AP5M1: variants seen among roughly 807,000 people sequenced by gnomAD.
AP5M1 encodes adaptor related protein complex 5 subunit mu 1, also known as AP-5 complex subunit mu-1.
AP5M1 carries 44 observed loss-of-function variants against 52.3 expected under a neutral mutation model. The ratio of observed to expected loss-of-function variants is 0.84; its 90% CI spans 0.66 to 1.08. AP5M1 has a LOEUF of 1.08. Among genes scored for constraint, AP5M1 ranks in the 50% least tolerant of loss-of-function variants. AP5M1 has a pLI of 0.00. For synonymous variants in AP5M1, 213 were observed against 199.0 expected, an observed-to-expected ratio of 1.07 and a Z score of -0.59; for missense variants, 526 against 568.4, an observed-to-expected ratio of 0.93 and a Z score of 0.76.
At position 57,296,992 on chromosome 14, in the gene AP5M1, T is replaced by C. The variant is rs886903375; in HGVS notation, c.*8108T>C. On this transcript the variant is annotated 3_prime_UTR_variant, in exon 8 of 8. Transcript: ENST00000261558. ...TGATGGTTGAAGTTCCCCAGCCAGTTAAAGGGCACACCGTGGGGGCAGCAT... is the reference window on the plus strand; with the variant it reads ...TGATGGTTGAAGTTCCCCAGCCAGTCAAAGGGCACACCGTGGGGGCAGCAT... The C allele has an allele frequency of 1.3e-5, 2 of 151,998 alleles. No individual in the cohort carries two copies. The highest frequency in any genetic ancestry group is 6.6e-5 in the Admixed American group (1 of 15,214). The allele number at this position is 151,998 out of a possible 1,614,324, so 9.4% of individuals were successfully genotyped here. A position where few individuals can be genotyped will look rare whatever the true frequency, so the allele number is the denominator to read the frequency against.
At chr14:57,270,609 T>C (rs967898886) in intron 1 of AP5M1, among the ~76,000 whole-genome samples, 1 of 152,216 alleles carries the variant, frequency 6.6e-6, no homozygotes, top group African/African-American at 2.4e-5. Context: ...ACATTTGTTG[T>C]TGGACCTCAA....
rs1885141987 is a variant in AP5M1, at chr14:57,280,355, G to A, written c.881G>A (p.Ser294Asn). The A allele has an allele frequency of 1.2e-6, 2 of 1,613,968 alleles. No homozygotes were observed. Among genetic ancestry groups the A allele is most frequent in the Admixed American group, 3.3e-5 (2 of 60,008 alleles). The change falls in exon 3 of 8, where the codon AGT becomes AAT. Residue 294 changes from serine (S) to asparagine (N), a missense_variant. By Grantham distance (46) the Ser-to-Asn change is conservative (BLOSUM62 1). Coordinates refer to ENST00000261558, the MANE Select transcript of AP5M1 (RefSeq NM_018229.4). ...GATGCAATGGATGACTCTGCATTTA[G>A]TGGGCCTTACAAATTTCCATTCACT... Reference protein sequence around the residue: ...SIDAMDDSAFSGPYKFPFTPP... With the variant: ...SIDAMDDSAFNGPYKFPFTPP...
In AP5M1 at chr14:57,296,443, ATTTAT is replaced by A. The variant is rs568887398; in HGVS notation, c.*7564_*7568del. On this transcript the variant is annotated 3_prime_UTR_variant, in exon 8 of 8. Coordinates refer to ENST00000261558, the MANE Select transcript of AP5M1 (RefSeq NM_018229.4). The stretch of plus-strand genomic sequence containing the variant: ...CATGTACATTTATAGAGCATCATAT[ATTTAT>A]TTTAAGTCTAGAATCAGTAAAAAGT... The A allele has an allele frequency of 6.8e-4, 104 of 152,156 alleles. No homozygotes were observed. The highest frequency in any genetic ancestry group is 2.5e-3 in the African/African-American group (103 of 41,554). The allele number at this position is 152,156 out of a possible 1,614,324, so 9.4% of individuals were successfully genotyped here.
intron 7 of AP5M1, 39 bp from the exon 8 acceptor site, chr14:57,288,763 G>T: frequency 7.5e-7 from 1 of 1,325,688 alleles, no homozygotes; most frequent in South Asian, 1.2e-5. Flanking sequence ...AATTTTTGCT[G>T]AAATAGTCTT....
At chr14:57,280,675 C>T (rs1189901) in intron 3 of AP5M1, among the ~76,000 whole-genome samples, 24,856 of 152,016 alleles carry the variant, frequency 0.16, 4,219 homozygotes, top group African/African-American at 0.44. Flanking sequence ...CACGATGAAA[C>T]CTTGTCTCTA....
In AP5M1 at chr14:57,291,079, C is replaced by T. The variant is rs1396385623; in HGVS notation, c.*2195C>T. 1.3e-5 allele frequency: 2 copies of T among 151,942 alleles called. No individual in the cohort carries two copies. The highest frequency in any genetic ancestry group is 6.6e-5 in the Admixed American group (1 of 15,224). The allele number at this position is 151,942 out of a possible 1,614,324, so 9.4% of individuals were successfully genotyped here. ...TAATCGTGATTGACATGTTCTTATT[C>T]TAAGCTATAAGACACTCTAAGAGTC... On this transcript the variant is annotated 3_prime_UTR_variant, in exon 8 of 8. Transcript: ENST00000261558.
chr14:57,283,021 T>C lies in AP5M1; in HGVS notation c.1174+2T>C. 6.3e-7 allele frequency: 1 copy of C among 1,590,260 alleles called. No individual in the cohort carries two copies. Among genetic ancestry groups the C allele is most frequent in the Non-Finnish European group, 8.6e-7 (1 of 1,167,374 alleles). ...AAAGCTTATTGATCTGGATTATTGGTGAGCAAGTTTTATTTATTGATTTTT... is the reference window on the plus strand; with the variant it reads ...AAAGCTTATTGATCTGGATTATTGGCGAGCAAGTTTTATTTATTGATTTTT... On this transcript the variant is annotated splice_donor_variant, in intron 5 of 7. Transcript: ENST00000261558. LOFTEE classifies it high-confidence loss of function.
Position 57,274,584 on chromosome 14 carries a change from C to T in AP5M1, c.415C>T (p.Gln139Ter), listed in dbSNP as rs1189483422. ...SQGFEFLFGI[Q>*]DFLYSGQKND... ...AGGCTTTGAATTTCTTTTTGGGATA[C>T]AGGATTTTCTTTATTCAGGTCAAAA... is the stretch of plus-strand genomic sequence containing the variant. Residue 139 changes from glutamine to a stop codon, truncating the protein, a stop_gained, in exon 2 of 8, where the codon CAG becomes TAG. Transcript: ENST00000261558. LOFTEE classifies it high-confidence loss of function. 1 of 1,613,994 alleles carries T rather than the reference C, an allele frequency of 6.2e-7. No homozygotes were observed. The highest frequency in any genetic ancestry group is 1.3e-5 in the African/African-American group (1 of 74,906).
chr14:57,280,380 T>G lies in AP5M1; in HGVS notation c.906T>G (p.Thr302=). Residue 302 remains threonine, a synonymous_variant, in exon 3 of 8, where the codon ACT becomes ACG. Coordinates refer to ENST00000261558, the MANE Select transcript of AP5M1 (RefSeq NM_018229.4). ...AFSGPYKFPF[T]PPLESFNLCF... is the part of the protein sequence containing the mutation. ...GTGGGCCTTACAAATTTCCATTCAC[T>G]CCACCTTTAGAGTCATTCAACTTAT... The G allele has an allele frequency of 1.9e-6, 3 of 1,613,940 alleles. No individual in the cohort carries two copies. Among genetic ancestry groups the G allele is most frequent in the Non-Finnish European group, 2.5e-6 (3 of 1,179,790 alleles).
At chr14:57,280,577 C>T (rs575772436) in intron 3 of AP5M1, among the ~76,000 whole-genome samples, 155 bp downstream of exon 3, 12 of 152,262 alleles carry the variant, frequency 7.9e-5, no homozygotes, top group South Asian at 2.1e-4. Context: ...AGACCAGGCA[C>T]GGTGGCTCAT....
At chr14:57,272,430 G>A (rs1884916852) in intron 1 of AP5M1, among the ~76,000 whole-genome samples, 1 of 152,140 alleles carries the variant, frequency 6.6e-6, no homozygotes, top group South Asian at 2.1e-4. Context: ...TTAAAGGTTT[G>A]CTTTCCAGAT....
In AP5M1 at chr14:57,280,494, C is replaced by T. The variant is rs138824628; in HGVS notation, c.948+72C>T. Reference sequence around the variant, plus strand: ...AAATACTATTGATAAGTAGATAATTCATACTCTTGGTATGAGAACTTAGAA... The same window carrying T: ...AAATACTATTGATAAGTAGATAATTTATACTCTTGGTATGAGAACTTAGAA... On this transcript the variant is annotated intron_variant, in intron 3 of 7. Coordinates refer to ENST00000261558, the MANE Select transcript of AP5M1 (RefSeq NM_018229.4). 4.5e-5 allele frequency: 45 copies of T among 1,001,598 alleles called. No individual in the cohort carries two copies. In the African/African-American group the frequency reaches 6.8e-4, roughly 15 times the overall value. 62.0% of individuals were successfully genotyped at this position (1,001,598 alleles called of 1,614,324 possible).
At chr14:57,288,547 A>G (rs1319509324) in intron 7 of AP5M1, among the ~76,000 whole-genome samples, 2 of 152,090 alleles carry the variant, frequency 1.3e-5, no homozygotes, top group Admixed American at 1.3e-4. Context: ...AAATGTGAAG[A>G]TAAAATTGGC....
At chr14:57,286,101 G>C in intron 6 of AP5M1, 122 bp from the exon 7 acceptor site, 1 of 653,140 alleles carries the variant, frequency 1.5e-6, no homozygotes, top group African/African-American at 1.8e-5. Flanking sequence ...TTTAGTACTT[G>C]TGGTTTTTAT....
At position 57,294,577 on chromosome 14, in the gene AP5M1, G is replaced by C. The variant is rs577532479; in HGVS notation, c.*5693G>C. On this transcript the variant is annotated 3_prime_UTR_variant, in exon 8 of 8. Transcript: ENST00000261558. ...TATTAACTCTTATTAATTTGCCAGT[G>C]GTTGAAGTTGGAGTTTCTTTTCTCC... The C allele has an allele frequency of 6.6e-6, 1 of 151,920 alleles. No individual in the cohort carries two copies. The highest frequency in any genetic ancestry group is 1.9e-4 in the East Asian group (1 of 5,170). 9.4% of individuals were successfully genotyped at this position (151,920 alleles called of 1,614,324 possible).
chr14:57,275,038 C>A, intron 2 of AP5M1, 149 bp downstream of exon 2: 1 of 812,422 alleles, frequency 1.2e-6, no homozygotes, highest in Non-Finnish European at 1.9e-6. Context: ...TTTATGTTAT[C>A]TTTTTGCATT....
chr14:57,288,882 TA>T lies in AP5M1; in HGVS notation c.1473del (p.Ter491TyrfsTer15). ...APVTYGSLLL[*>X] ...AGTAACATATGGATCATTATTATTG[TA>T]ATAGTCTCATGTTTAAATGGGATTA... On this transcript the variant is annotated frameshift_variant and stop_lost, in exon 8 of 8. Coordinates refer to ENST00000261558, the MANE Select transcript of AP5M1 (RefSeq NM_018229.4). LOFTEE classifies it high-confidence loss of function. 1.3e-6 allele frequency: 2 copies of T among 1,504,358 alleles called. No homozygotes were observed. The highest frequency in any genetic ancestry group is 1.8e-6 in the Non-Finnish European group (2 of 1,088,668). 93.2% of individuals were successfully genotyped at this position (1,504,358 alleles called of 1,614,324 possible).
chr14:57,272,992 T>TCTCGGCTCGG (rs368746030), intron 1 of AP5M1, among the ~76,000 whole-genome samples: 7 of 152,006 alleles, frequency 4.6e-5, no homozygotes, highest in Non-Finnish European at 1.0e-4. Context: ...AGTGTCACAA[T>TCTCGGCTCGG]CTCGGCTCGG....
chr14:57,290,802 A>G lies in AP5M1; in HGVS notation c.*1918A>G, dbSNP rs1885419288. 1.3e-5 allele frequency: 2 copies of G among 151,908 alleles called. No homozygotes were observed. Among genetic ancestry groups the G allele is most frequent in the Admixed American group, 1.3e-4 (2 of 15,202 alleles). 9.4% of individuals were successfully genotyped at this position (151,908 alleles called of 1,614,324 possible). A position where few individuals can be genotyped will look rare whatever the true frequency, so the allele number is the denominator to read the frequency against. On this transcript the variant is annotated 3_prime_UTR_variant, in exon 8 of 8. Coordinates refer to ENST00000261558, the MANE Select transcript of AP5M1 (RefSeq NM_018229.4). ...CACTGTGATGCTTTTGATTTTGTCT[A>G]GAAACCTGTCACTTCAGGATAATTT...
Sources: gnomAD v4.1 joint callset for allele counts (sites outside exome capture counted in the v4.1 genomes callset) on GRCh38, gnomAD v4.1.1 for gene constraint, MANE v1.5 for transcripts, NCBI Gene and HGNC (gene_info 2026-07-23, HGNC 2026-07-21) for gene names.